The following RPL23A variants were observed in gnomAD, a reference collection of about 807,000 sequenced individuals.
RPL23A encodes the protein ribosomal protein L23a.
Under a neutral mutation model 17.6 loss-of-function variants are expected in RPL23A, and 2 were observed. The ratio of observed to expected loss-of-function variants is 0.11; its 90% CI spans 0.05 to 0.36. The LOEUF is 0.36. RPL23A is among the 10% of genes least tolerant of loss of function. The probability of loss-of-function intolerance (pLI) is 1.00; values close to 1 mark genes in which losing one functional copy is unlikely to be tolerated. For missense variants in RPL23A, 132 were observed against 194.4 expected (o/e 0.68, Z 1.91); for synonymous variants, 65 against 74.3 (o/e 0.87, Z 0.65).
rs2034166478 is a variant in RPL23A at position 28,724,056 on chromosome 17, C to G, written c.*175C>G. ...TTTTGAAATACCTCACCCTGCCACT[C>G]CACCATGTATGATCATTCCAGAGAT... is the stretch of plus-strand genomic sequence containing the variant. On this transcript the variant is annotated 3_prime_UTR_variant, in exon 5 of 5. Coordinates refer to ENST00000422514, the MANE Select transcript of RPL23A (RefSeq NM_000984.6). The G allele has an allele frequency of 1.8e-6, 1 of 557,404 alleles. No individual in the cohort carries two copies. The highest frequency in any genetic ancestry group is 3.1e-6 in the Non-Finnish European group (1 of 322,058). The allele number at this position is 557,404 out of a possible 1,614,324, so 34.5% of individuals were successfully genotyped here. A position where few individuals can be genotyped will look rare whatever the true frequency, so the allele number is the denominator to read the frequency against.
In RPL23A at chr17:28,720,696, T is replaced by G. The variant is rs777225080; in HGVS notation, c.26-11T>G. On this transcript the variant is annotated splice_polypyrimidine_tract_variant and intron_variant, in intron 1 of 4. Transcript: ENST00000422514. The stretch of plus-strand genomic sequence containing the variant: ...AATCCCGCACCCACGTTTTCTTTCC[T>G]TTTCTCCCAGCTCCTGCCCCTCCTA... 1 of 1,613,876 alleles carries G rather than the reference T, an allele frequency of 6.2e-7. No individual in the cohort carries two copies. Among genetic ancestry groups the G allele is most frequent in the African/African-American group, 1.3e-5 (1 of 74,912 alleles).
intron 2 of RPL23A, 54 bp downstream of exon 2, chr17:28,720,944 T>C (rs1330731743): frequency 6.7e-7 from 1 of 1,503,296 alleles, no homozygotes; most frequent in Non-Finnish European, 9.2e-7. Context: ...CCATTGGTAA[T>C]TTGGAAATTC....
At chr17:28,720,940 G>A (rs1183284038) in intron 2 of RPL23A, 50 bp downstream of exon 2, 1 of 1,524,994 alleles carries the variant, frequency 6.6e-7, no homozygotes, top group African/African-American at 1.4e-5. Context: ...TTCTCCATTG[G>A]TAATTTGGAA....
chr17:28,720,742 G>C lies in RPL23A; in HGVS notation c.61G>C (p.Ala21Pro), dbSNP rs2034099964. 1.2e-6 allele frequency: 2 copies of C among 1,613,990 alleles called. No individual in the cohort carries two copies. Among genetic ancestry groups the C allele is most frequent in the Middle Eastern group, 1.6e-4 (1 of 6,062 alleles). ...APPKAEAKAKALKAKKAVLKG... is the reference protein window; with the variant it reads ...APPKAEAKAKPLKAKKAVLKG... Reference sequence around the variant, plus strand: ...TCCTAAAGCTGAAGCCAAAGCGAAGGCTTTAAAGGCCAAGAAGGCAGTGTT... The same window carrying C: ...TCCTAAAGCTGAAGCCAAAGCGAAGCCTTTAAAGGCCAAGAAGGCAGTGTT... The change falls in exon 2 of 5, where the codon GCT (alanine) becomes CCT (proline). Residue 21 changes from alanine to proline, a missense_variant. Transcript: ENST00000422514.
At chr17:28,722,397 A>T (rs948288337) in intron 2 of RPL23A, 2 of 421,618 alleles carry the variant, frequency 4.7e-6, no homozygotes, top group Middle Eastern at 8.7e-4. Context: ...CAGGATGGTC[A>T]CGATCTCTTG....
At chr17:28,720,990 G>T (rs2034104344) in intron 2 of RPL23A, 100 bp downstream of exon 2, 1 of 974,782 alleles carries the variant, frequency 1.0e-6, no homozygotes, top group Admixed American at 2.3e-5. Context: ...AACGCAAATT[G>T]TGTCCAGTGT....
intron 1 of RPL23A, chr17:28,720,458 C>T (rs758129291): frequency 2.0e-5 from 33 of 1,610,358 alleles, no homozygotes; most frequent in Admixed American, 1.7e-4. Context: ...AGGACATTTT[C>T]TGGAAAGTAT....
At chr17:28,723,015 C>T (rs969466200) in intron 3 of RPL23A, 116 bp downstream of exon 3, 17 of 745,076 alleles carry the variant, frequency 2.3e-5, no homozygotes, top group South Asian at 1.5e-4. Flanking sequence ...CAGGACTACA[C>T]GTGTAGTCCG....
chr17:28,720,449 G>C, intron 1 of RPL23A: 1 of 1,612,014 alleles, frequency 6.2e-7, no homozygotes, highest in Non-Finnish European at 8.5e-7. Flanking sequence ...AAAATTCGTA[G>C]GACATTTTCT....
intron 2 of RPL23A, chr17:28,721,122 G>A (rs894356833): frequency 3.3e-5 from 14 of 418,130 alleles, no homozygotes; most frequent in South Asian, 2.9e-4. Context: ...GAGGCCGAGG[G>A]GGGGCGGATC....
chr17:28,722,694 G>A, intron 2 of RPL23A, 29 bp from the exon 3 acceptor site: 1 of 1,607,674 alleles, frequency 6.2e-7, no homozygotes, highest in Non-Finnish European at 8.5e-7. Flanking sequence ...ATGGGCCCAG[G>A]CCAGGTGACC....
chr17:28,720,617 C>A (rs1002678307), intron 1 of RPL23A, 90 bp from the exon 2 acceptor site: 15 of 1,440,578 alleles, frequency 1.0e-5, no homozygotes, highest in African/African-American at 1.4e-5. Flanking sequence ...ACTGATGCAC[C>A]TGTGGCCAGG....
In RPL23A at chr17:28,724,198, A is replaced by C. The variant is rs1265402217; in HGVS notation, c.*317A>C. On this transcript the variant is annotated 3_prime_UTR_variant, in exon 5 of 5. Transcript: ENST00000422514. ...CCTGGAAGAGGCTGTGTATGAAACC[A>C]ATGCCCAGGGTTTGAAGGGTGTTAG... The C allele has an allele frequency of 5.9e-6, 3 of 505,074 alleles. No homozygotes were observed. The highest frequency in any genetic ancestry group is 5.7e-5 in the African/African-American group (3 of 52,658). The allele number at this position is 505,074 out of a possible 1,614,324, so 31.3% of individuals were successfully genotyped here.
chr17:28,722,996 C>T, intron 3 of RPL23A, 97 bp downstream of exon 3: 1 of 915,756 alleles, frequency 1.1e-6, no homozygotes, highest in Non-Finnish European at 1.8e-6. Context: ...TTAGGTAGTC[C>T]TGGTAATGCA....
intron 2 of RPL23A, chr17:28,722,333 C>T (rs1211653216): frequency 2.9e-6 from 1 of 348,572 alleles, no homozygotes; most frequent in African/African-American, 2.1e-5. Context: ...CGTGCACCAC[C>T]ATGACCAGCT....
intron 1 of RPL23A, chr17:28,720,504 G>A (rs764583402): frequency 1.6e-4 from 252 of 1,555,958 alleles, no homozygotes; most frequent in Non-Finnish European, 2.1e-4. Context: ...TTTCATAGTC[G>A]TATCCCTGGA....
chr17:28,720,045 T>A lies in RPL23A; in HGVS notation c.25+15T>A, dbSNP rs199954719. ...GAAGAAGGAAGGTGTGTGTTGGTGATGGGGCCGCAGCTGGTTTACCGGGGA... is the reference window on the plus strand; with the variant it reads ...GAAGAAGGAAGGTGTGTGTTGGTGAAGGGGCCGCAGCTGGTTTACCGGGGA... On this transcript the variant is annotated intron_variant, in intron 1 of 4. Transcript: ENST00000422514. 6.4e-7 allele frequency: 1 copy of A among 1,551,460 alleles called. No homozygotes were observed. The highest frequency in any genetic ancestry group is 1.2e-5 in the South Asian group (1 of 84,048).
intron 2 of RPL23A, among the ~76,000 whole-genome samples, chr17:28,722,168 G>T (rs2034126311): frequency 6.6e-6 from 1 of 151,176 alleles, no homozygotes; most frequent in Non-Finnish European, 1.5e-5. Flanking sequence ...AGAATGGTGT[G>T]AACCCAGGAG....
At position 28,723,593 on chromosome 17, in the gene RPL23A, T is replaced by C; in HGVS notation, c.409T>C (p.Tyr137His). The C allele has an allele frequency of 6.2e-7, 1 of 1,614,010 alleles. No homozygotes were observed. The highest frequency in any genetic ancestry group is 8.5e-7 in the Non-Finnish European group (1 of 1,179,940). ...LIRPDGEKKAYVRLAPDYDAL... is the reference protein window; with the variant it reads ...LIRPDGEKKAHVRLAPDYDAL... Reference sequence around the variant, plus strand: ...TAGGCCTGATGGAGAGAAGAAGGCATATGTTCGACTGGCTCCTGATTACGA... The same window carrying C: ...TAGGCCTGATGGAGAGAAGAAGGCACATGTTCGACTGGCTCCTGATTACGA... Residue 137 changes from tyrosine (Y) to histidine (H), a missense_variant, in exon 4 of 5, where the codon TAT becomes CAT. Tyr to His is a moderately conservative substitution (Grantham distance 83, BLOSUM62 2). Transcript: ENST00000422514.
Sources: allele counts gnomAD v4.1 joint callset (sites outside exome capture counted in the v4.1 genomes callset), GRCh38; gene constraint gnomAD v4.1.1; transcripts MANE v1.5; gene names NCBI Gene and HGNC (gene_info 2026-07-23, HGNC 2026-07-21).